The following FAM168B variants were observed in gnomAD, a reference collection of about 807,000 sequenced individuals.
The protein encoded by FAM168B is family with sequence similarity 168 member B.
In FAM168B, 19 loss-of-function variants were observed where a neutral mutation model predicts 21.8. That is an observed-to-expected ratio of 0.87 (90% confidence interval 0.61 to 1.28). FAM168B has a LOEUF of 1.28. FAM168B is among the 50% of genes most tolerant of loss of function. The pLI is 0.00. For synonymous variants in FAM168B, 126 were observed against 104.8 expected, an observed-to-expected ratio of 1.20 and a Z score of -1.24; for missense variants, 233 against 263.1, an observed-to-expected ratio of 0.89 and a Z score of 0.79.
At position 131,052,190 on chromosome 2, in the gene FAM168B, G is replaced by T; in HGVS notation, c.*275C>A. On this transcript the variant is annotated 3_prime_UTR_variant, in exon 7 of 7. Coordinates refer to ENST00000389915, the MANE Select transcript of FAM168B (RefSeq NM_001009993.4). ...TTTAAACATGCATTCAACTAGATAT[G>T]ATTCAGAATAGATTAATACTCCCTT... 1 of 985,746 alleles carries T rather than the reference G, an allele frequency of 1.0e-6. No homozygotes were observed. Among genetic ancestry groups the T allele is most frequent in the Non-Finnish European group, 1.2e-6 (1 of 829,928 alleles). The allele number at this position is 985,746 out of a possible 1,614,324, so 61.1% of individuals were successfully genotyped here.
chr2:131,092,817 A>T (rs1037566557), intron 1 of FAM168B, among the ~76,000 whole-genome samples: 2 of 152,226 alleles, frequency 1.3e-5, no homozygotes, highest in African/African-American at 2.4e-5. Flanking sequence ...AAAAAAATAA[A>T]AATAAAAATT....
intron 3 of FAM168B, among the ~76,000 whole-genome samples, chr2:131,069,097 C>CA (rs1355322856): frequency 5.3e-5 from 8 of 152,246 alleles, no homozygotes; most frequent in African/African-American, 1.9e-4. Flanking sequence ...CAGCAGCACT[C>CA]AGTCTCCACC....
chr2:131,091,332 G>C (rs922666932), intron 1 of FAM168B, among the ~76,000 whole-genome samples: 1 of 139,106 alleles, frequency 7.2e-6, no homozygotes, highest in Admixed American at 7.3e-5. Context: ...GAACAAAACT[G>C]TCTCAAAAAA....
At position 131,071,576 on chromosome 2, in the gene FAM168B, T is replaced by C. The variant is rs527875752; in HGVS notation, c.154+279A>G. 7.9e-5 allele frequency among the ~76,000 whole-genome samples: 12 copies of C among 152,344 alleles called. 1 individual carries two copies. The South Asian group carries it at 2.5e-3, about 32-fold the overall frequency. ...GTTGGCATGGCAAGAAATTCTTCAA[T>C]TTCTAGTAGGTGATACTATTTCATG... On this transcript the variant is annotated intron_variant, in intron 3 of 6. Coordinates refer to ENST00000389915, the MANE Select transcript of FAM168B (RefSeq NM_001009993.4).
intron 5 of FAM168B, 59 bp downstream of exon 5, chr2:131,055,213 T>TC: frequency 1.4e-6 from 2 of 1,404,094 alleles, no homozygotes; most frequent in Middle Eastern, 1.9e-4. Flanking sequence ...TCGTGAGCTC[T>TC]CCCCTCCCCC....
chr2:131,056,153 T>C (rs1692010437), intron 3 of FAM168B, among the ~76,000 whole-genome samples: 2 of 152,158 alleles, frequency 1.3e-5, no homozygotes, highest in Admixed American at 1.3e-4. Context: ...CATCATAGTG[T>C]TGTTTGTTAC....
intron 5 of FAM168B, among the ~76,000 whole-genome samples, chr2:131,054,021 T>C (rs1691858826): frequency 1.3e-5 from 2 of 152,078 alleles, no homozygotes; most frequent in Non-Finnish European, 1.5e-5. Context: ...CTGGCCAACA[T>C]GGTGAAATCC....
rs564908597 is a variant in FAM168B, at chr2:131,093,213, C to A, written c.-12+1G>T. The A allele has an allele frequency of 6.6e-6, 1 of 150,540 alleles. No homozygotes were observed. The highest frequency in any genetic ancestry group is 1.5e-5 in the Non-Finnish European group (1 of 67,490). The allele number at this position is 150,540 out of a possible 1,614,324, so 9.3% of individuals were successfully genotyped here. A position where few individuals can be genotyped will look rare whatever the true frequency, so the allele number is the denominator to read the frequency against. On this transcript the variant is annotated splice_donor_variant, in intron 1 of 6. Coordinates refer to ENST00000389915, the MANE Select transcript of FAM168B (RefSeq NM_001009993.4). LOFTEE classifies it low-confidence loss of function (5UTR_SPLICE). ...GTCGCCCGCTGCCCGCCCCCACTCACCGCGCCGCGGCGGCGACCTGGGCCT... is the reference window on the plus strand; with the variant it reads ...GTCGCCCGCTGCCCGCCCCCACTCAACGCGCCGCGGCGGCGACCTGGGCCT...
At chr2:131,073,333 TC>T (rs1692976084) in intron 2 of FAM168B, among the ~76,000 whole-genome samples, 1 of 152,168 alleles carries the variant, frequency 6.6e-6, no homozygotes, top group African/African-American at 2.4e-5. Flanking sequence ...CCTCAGGTGA[TC>T]CACCTGCCTC....
At chr2:131,093,049 G>C (rs1428400607) in intron 1 of FAM168B, among the ~76,000 whole-genome samples, 165 bp downstream of exon 1, 1 of 151,354 alleles carries the variant, frequency 6.6e-6, no homozygotes, top group Non-Finnish European at 1.5e-5. Flanking sequence ...CTCCGCCCCC[G>C]GCCCCCGCCC....
Position 131,062,074 on chromosome 2 carries a change from G to A in FAM168B, c.155-6379C>T, listed in dbSNP as rs560407325. Among the ~76,000 whole-genome samples, 57 of 152,278 alleles carry A rather than the reference G, an allele frequency of 3.7e-4. No homozygotes were observed. In the South Asian group the frequency reaches 9.3e-3, roughly 25 times the overall value. ...AAGTCAAAACAAGCAATAAACCCACGACCCACATCCATCAACATTGCTAAT... is the reference window on the plus strand; with the variant it reads ...AAGTCAAAACAAGCAATAAACCCACAACCCACATCCATCAACATTGCTAAT... On this transcript the variant is annotated intron_variant, in intron 3 of 6. Transcript: ENST00000389915.
intron 1 of FAM168B, among the ~76,000 whole-genome samples, chr2:131,090,071 G>A (rs1417880552): frequency 2.0e-5 from 3 of 147,106 alleles, no homozygotes; most frequent in African/African-American, 7.6e-5. Context: ...TGTAATCCCA[G>A]CACTTCGGGA....
chr2:131,049,758 G>A lies in FAM168B; in HGVS notation c.*2707C>T, dbSNP rs1691534828. ...TTCAGCTGAAGGACTCCCAAATTAG[G>A]AATGTCAAACACACAAAAAGCAAAT... On this transcript the variant is annotated 3_prime_UTR_variant, in exon 7 of 7. Coordinates refer to ENST00000389915, the MANE Select transcript of FAM168B (RefSeq NM_001009993.4). The A allele has an allele frequency of 1.0e-6, 1 of 985,722 alleles. No individual in the cohort carries two copies. The highest frequency in any genetic ancestry group is 6.1e-5 in the Admixed American group (1 of 16,274). 61.1% of individuals were successfully genotyped at this position (985,722 alleles called of 1,614,324 possible).
chr2:131,055,320 C>T lies in FAM168B; in HGVS notation c.427G>A (p.Gly143Arg), dbSNP rs774259471. 3 of 1,584,636 alleles carry T rather than the reference C, an allele frequency of 1.9e-6. No individual in the cohort carries two copies. The highest frequency in any genetic ancestry group is 1.7e-6 in the Non-Finnish European group (2 of 1,170,676). The change falls in exon 5 of 7, where the codon GGG becomes AGG. Residue 143 changes from glycine (G) to arginine (R), a missense_variant. Transcript: ENST00000389915. ...CCAGCCACCATGCCCATGGTGACCC[C>T]GTTGCCTCTAGGAGGGGGGATGGGA... The part of the protein sequence containing the change: ...PAPIPPPRGN[G>R]VTMGMVAGTT...
In FAM168B at chr2:131,050,190, T is replaced by A. The variant is rs1486614666; in HGVS notation, c.*2275A>T. On this transcript the variant is annotated 3_prime_UTR_variant, in exon 7 of 7. Coordinates refer to ENST00000389915, the MANE Select transcript of FAM168B (RefSeq NM_001009993.4). Reference sequence around the variant, plus strand: ...GTGTGTGCCAAGTACCAAGCAAGCCTGAAGAGATGCCTGTAACTTCTAACC... The same window carrying A: ...GTGTGTGCCAAGTACCAAGCAAGCCAGAAGAGATGCCTGTAACTTCTAACC... 8 of 985,480 alleles carry A rather than the reference T, an allele frequency of 8.1e-6. No homozygotes were observed. The highest frequency in any genetic ancestry group is 9.4e-5 in the South Asian group (2 of 21,290). The allele number at this position is 985,480 out of a possible 1,614,324, so 61.0% of individuals were successfully genotyped here.
chr2:131,079,488 C>A (rs937267368), intron 2 of FAM168B, among the ~76,000 whole-genome samples: 2 of 152,064 alleles, frequency 1.3e-5, no homozygotes, highest in Non-Finnish European at 2.9e-5. Flanking sequence ...AACAAACACA[C>A]AAAAGACACA....
intron 6 of FAM168B, 34 bp from the exon 7 acceptor site, chr2:131,052,486 G>C (rs1383997553): frequency 9.9e-7 from 1 of 1,011,284 alleles, no homozygotes; most frequent in Non-Finnish European, 1.2e-6. Context: ...CAGTCACACA[G>C]AGCTCTTCCG....
In FAM168B at chr2:131,048,389, C is replaced by T. The variant is rs1691423912; in HGVS notation, c.*4076G>A. 9 of 1,280,676 alleles carry T rather than the reference C, an allele frequency of 7.0e-6. No homozygotes were observed. Among genetic ancestry groups the T allele is most frequent in the Non-Finnish European group, 9.3e-6 (9 of 972,308 alleles). 79.3% of individuals were successfully genotyped at this position (1,280,676 alleles called of 1,614,324 possible). On this transcript the variant is annotated 3_prime_UTR_variant, in exon 7 of 7. Transcript: ENST00000389915. Reference sequence around the variant, plus strand: ...CTGTCATGCCAGTCCTGGGAGCACACCACCCTTCTGCAGGCCCGGGGGGGG... The same window carrying T: ...CTGTCATGCCAGTCCTGGGAGCACATCACCCTTCTGCAGGCCCGGGGGGGG...
Position 131,074,052 on chromosome 2 carries a change from G to A in FAM168B, c.71-2114C>T, listed in dbSNP as rs1693012679. 2.0e-5 allele frequency among the ~76,000 whole-genome samples: 3 copies of A among 152,192 alleles called. No individual in the cohort carries two copies. In the South Asian group the frequency reaches 6.2e-4, roughly 32 times the overall value. On this transcript the variant is annotated intron_variant, in intron 2 of 6. Transcript: ENST00000389915. ...TCAGGCATCTGCCCTTTTCGATAAG[G>A]CCTCCCTTCCCTTTGGGCTGACCCC...
Sources: gnomAD v4.1 joint callset for allele counts (sites outside exome capture counted in the v4.1 genomes callset) on GRCh38, gnomAD v4.1.1 for gene constraint, MANE v1.5 for transcripts, NCBI Gene and HGNC (gene_info 2026-07-23, HGNC 2026-07-21) for gene names.